FHIT: variants seen among roughly 807,000 people sequenced by gnomAD.
The protein encoded by FHIT is fragile histidine triad diadenosine triphosphatase, also known as bis(5'-adenosyl)-triphosphatase.
FHIT carries 19 observed loss-of-function variants against 17.9 expected under a neutral mutation model. The ratio of observed to expected loss-of-function variants is 1.06; its 90% CI spans 0.74 to 1.56. The LOEUF (loss-of-function observed/expected upper bound fraction) is 1.56, where lower values mean the gene tolerates loss of function less well. Ranked by LOEUF, FHIT falls within the 40% of genes most tolerant of loss-of-function variation. FHIT has a pLI of 0.00. For missense variants in FHIT, 248 were observed against 189.2 expected, an observed-to-expected ratio of 1.31 and a Z score of -1.82; for synonymous variants, 81 against 69.7, an observed-to-expected ratio of 1.16 and a Z score of -0.81.
At chr3:59,976,010 C>G (rs1708394278) in intron 7 of FHIT, among the ~76,000 whole-genome samples, 1 of 152,068 alleles carries the variant, frequency 6.6e-6, no homozygotes. Context: ...CTCTGAAGGA[C>G]TTGGGTTCAG....
chr3:59,900,963 T>G (rs1378085815), intron 8 of FHIT, among the ~76,000 whole-genome samples: 2 of 152,122 alleles, frequency 1.3e-5, no homozygotes, highest in Non-Finnish European at 2.9e-5. Context: ...ATGATAACCT[T>G]GGGGTTGTTT....
rs372505165 is a variant in FHIT, at chr3:60,539,270, G to A, written c.-17-2291C>T. Among the ~76,000 whole-genome samples the A allele has an allele frequency of 2.0e-4, 30 of 152,238 alleles. No individual in the cohort carries two copies. The South Asian group carries it at 2.7e-3, about 14-fold the overall frequency. On this transcript the variant is annotated intron_variant, in intron 4 of 9. Transcript: ENST00000492590. ...ACAATCTCACACCAGCTAGAATGGC[G>A]ATCAGTAAAAAGTCAGGAAACAACA...
At chr3:60,019,767 T>G (rs55658297) in intron 5 of FHIT, among the ~76,000 whole-genome samples, 8,495 of 152,194 alleles carry the variant, frequency 0.056, 314 homozygotes, top group Middle Eastern at 0.095. Flanking sequence ...TGTCAGATTT[T>G]AAAAATAGGG....
chr3:61,250,891 A>G (rs2040607104), intron 1 of FHIT, among the ~76,000 whole-genome samples: 2 of 152,130 alleles, frequency 1.3e-5, no homozygotes, highest in African/African-American at 4.8e-5. Flanking sequence ...GCAACCCCTT[A>G]GGGGAATCCA....
intron 5 of FHIT, among the ~76,000 whole-genome samples, chr3:60,062,065 C>G (rs1278430668): frequency 1.3e-5 from 2 of 152,128 alleles, no homozygotes; most frequent in Non-Finnish European, 2.9e-5. Context: ...TTCTTTCTAA[C>G]ATCATGAATT....
intron 5 of FHIT, among the ~76,000 whole-genome samples, chr3:60,514,450 A>G (rs1047323407): frequency 1.3e-5 from 2 of 152,136 alleles, no homozygotes; most frequent in Admixed American, 6.5e-5. Context: ...AGTTCCTGCC[A>G]GCGAAGTGGT....
intron 3 of FHIT, among the ~76,000 whole-genome samples, chr3:60,907,038 T>C (rs1384930928): frequency 2.0e-5 from 3 of 152,062 alleles, no homozygotes; most frequent in African/African-American, 4.8e-5. Flanking sequence ...AAATCATCGA[T>C]GGACAATAGA....
intron 3 of FHIT, among the ~76,000 whole-genome samples, chr3:60,860,431 T>TATGTAC (rs1703663416): frequency 7.2e-6 from 1 of 139,252 alleles, no homozygotes; most frequent in Non-Finnish European, 1.6e-5. Flanking sequence ...ATATGATACA[T>TATGTAC]ATATATCATG....
At chr3:60,026,555 T>C (rs1431053916) in intron 5 of FHIT, among the ~76,000 whole-genome samples, 3 of 152,210 alleles carry the variant, frequency 2.0e-5, no homozygotes, top group African/African-American at 4.8e-5. Flanking sequence ...AATGTAAGCA[T>C]CACTGGTAGC....
intron 5 of FHIT, among the ~76,000 whole-genome samples, chr3:60,325,616 G>T (rs1234371117): frequency 6.6e-6 from 1 of 152,034 alleles, no homozygotes; most frequent in Non-Finnish European, 1.5e-5. Context: ...TAATCTAACA[G>T]GTTTTAGTGA....
At chr3:59,864,693 A>G (rs576517237) in intron 8 of FHIT, among the ~76,000 whole-genome samples, 1 of 151,636 alleles carries the variant, frequency 6.6e-6, no homozygotes, top group South Asian at 2.1e-4. Context: ...TCATACCCTC[A>G]TGCATGCATT....
chr3:59,952,829 G>C (rs2107313565), intron 7 of FHIT, among the ~76,000 whole-genome samples: 1 of 152,222 alleles, frequency 6.6e-6, no homozygotes, highest in East Asian at 1.9e-4. Flanking sequence ...ATCCATTAGG[G>C]TCACACTCAT....
intron 5 of FHIT, among the ~76,000 whole-genome samples, chr3:60,251,301 C>T (rs1293588989): frequency 1.3e-5 from 2 of 152,164 alleles, no homozygotes; most frequent in Admixed American, 6.5e-5. Flanking sequence ...TGCCTTGGCT[C>T]TCTCTGGGGA....
intron 5 of FHIT, among the ~76,000 whole-genome samples, chr3:60,190,745 C>G (rs1025292153): frequency 6.6e-6 from 1 of 151,642 alleles, no homozygotes; most frequent in African/African-American, 2.4e-5. Flanking sequence ...GCACATGTAC[C>G]CTAAAACTTA....
chr3:59,815,899 AT>A (rs2107069677), intron 8 of FHIT, among the ~76,000 whole-genome samples: 1 of 152,200 alleles, frequency 6.6e-6, no homozygotes, highest in South Asian at 2.1e-4. Flanking sequence ...TAAAAAAAAA[AT>A]TTAAATCAGC....
At chr3:59,774,051 CTG>C (rs1702193449) in intron 8 of FHIT, among the ~76,000 whole-genome samples, 1 of 151,930 alleles carries the variant, frequency 6.6e-6, no homozygotes, top group Non-Finnish European at 1.5e-5. Flanking sequence ...TACTATAAAA[CTG>C]ATAGTCACAT....
chr3:61,217,366 C>T (rs1452143060), intron 1 of FHIT, among the ~76,000 whole-genome samples: 2 of 152,142 alleles, frequency 1.3e-5, no homozygotes, highest in Non-Finnish European at 2.9e-5. Context: ...GACTCATGCC[C>T]TCACATATCT....
intron 2 of FHIT, among the ~76,000 whole-genome samples, chr3:61,090,659 T>G (rs1459724719): frequency 6.6e-6 from 1 of 152,078 alleles, no homozygotes; most frequent in African/African-American, 2.4e-5. Flanking sequence ...AATGTGTGTG[T>G]GTAGAGATAA....
At chr3:59,757,803 C>T (rs1239871550) in intron 8 of FHIT, among the ~76,000 whole-genome samples, 1 of 152,128 alleles carries the variant, frequency 6.6e-6, no homozygotes, top group East Asian at 1.9e-4. Context: ...GTTCTGTTTA[C>T]ACAGGGGTTT....
Sources: gnomAD v4.1 joint callset for allele counts (sites outside exome capture counted in the v4.1 genomes callset) on GRCh38, gnomAD v4.1.1 for gene constraint, MANE v1.5 for transcripts, NCBI Gene and HGNC (gene_info 2026-07-23, HGNC 2026-07-21) for gene names.